FOXP1: variants seen among roughly 807,000 people sequenced by gnomAD.
The protein encoded by FOXP1 is forkhead box protein P1.
FOXP1 carries 15 observed loss-of-function variants against 98.2 expected under a neutral mutation model. That is an observed-to-expected ratio of 0.15 (90% CI 0.10 to 0.24). The LOEUF (loss-of-function observed/expected upper bound fraction) is 0.24. Ranked by LOEUF, FOXP1 falls within the 10% of genes least tolerant of loss-of-function variation. The probability of loss-of-function intolerance (pLI) is 1.00; values close to 1 mark genes in which losing one functional copy is unlikely to be tolerated. For missense variants in FOXP1, 633 were observed against 848.5 expected, an observed-to-expected ratio of 0.75 and a Z score of 3.15; for synonymous variants, 371 against 314.5, an observed-to-expected ratio of 1.18 and a Z score of -1.90.
At chr3:71,491,656 A>G (rs2091069857) in intron 3 of FOXP1, among the ~76,000 whole-genome samples, 1 of 152,210 alleles carries the variant, frequency 6.6e-6, no homozygotes, top group African/African-American at 2.4e-5. Flanking sequence ...ACCAAATGCA[A>G]AGTACAAGTT....
intron 2 of FOXP1, among the ~76,000 whole-genome samples, chr3:71,508,276 C>T (rs983200802): frequency 1.3e-5 from 2 of 152,196 alleles, no homozygotes; most frequent in African/African-American, 4.8e-5. Context: ...AGATTCTTTA[C>T]ATTTATCATA....
chr3:71,014,743 A>G (rs1279217279), intron 12 of FOXP1, among the ~76,000 whole-genome samples: 2 of 152,240 alleles, frequency 1.3e-5, no homozygotes, highest in Non-Finnish European at 2.9e-5. Flanking sequence ...AACCAACCCA[A>G]ATGTCCATCA....
chr3:71,580,884 C>T, intron 2 of FOXP1: 2 of 985,298 alleles, frequency 2.0e-6, no homozygotes, highest in Non-Finnish European at 2.4e-6. Flanking sequence ...AATGCTCCTC[C>T]GGCATTCCTG....
chr3:71,204,283 C>G (rs920706825), intron 5 of FOXP1, among the ~76,000 whole-genome samples: 1 of 152,226 alleles, frequency 6.6e-6, no homozygotes, highest in African/African-American at 2.4e-5. Flanking sequence ...AGCAAACGAA[C>G]TGGTTCCCTT....
At chr3:71,007,790 G>C (rs1209515562) in intron 12 of FOXP1, among the ~76,000 whole-genome samples, 1 of 152,096 alleles carries the variant, frequency 6.6e-6, no homozygotes, top group African/African-American at 2.4e-5. Context: ...AAAATTCACA[G>C]AAAAAAATTT....
At chr3:71,086,341 A>AG (rs1214735793) in intron 7 of FOXP1, among the ~76,000 whole-genome samples, 1 of 152,200 alleles carries the variant, frequency 6.6e-6, no homozygotes, top group African/African-American at 2.4e-5. Context: ...TTACTTATCT[A>AG]GGACTGCTAG....
chr3:71,019,350 AG>A (rs1304420982), intron 11 of FOXP1, among the ~76,000 whole-genome samples: 1 of 152,232 alleles, frequency 6.6e-6, no homozygotes, highest in East Asian at 1.9e-4. Context: ...AAAAGCTGTC[AG>A]GGTCAGTGAT....
At chr3:71,311,310 G>A (rs1223709195) in intron 4 of FOXP1, among the ~76,000 whole-genome samples, 2 of 152,226 alleles carry the variant, frequency 1.3e-5, no homozygotes, top group East Asian at 1.9e-4. Flanking sequence ...GGCTGGTGTC[G>A]AATTCCTGGG....
chr3:71,526,125 T>C (rs2043357894), intron 2 of FOXP1, among the ~76,000 whole-genome samples: 1 of 94,764 alleles, frequency 1.1e-5, no homozygotes, highest in East Asian at 1.9e-4. Flanking sequence ...TGTCTCTAAA[T>C]ATATAAATAA....
chr3:71,313,618 C>T (rs2074862388), intron 4 of FOXP1, among the ~76,000 whole-genome samples: 1 of 151,962 alleles, frequency 6.6e-6, no homozygotes, highest in African/African-American at 2.4e-5. Context: ...CTCCGCCTCC[C>T]GGGTTCCCGC....
chr3:71,442,093 A>T (rs2085992435), intron 3 of FOXP1, among the ~76,000 whole-genome samples: 1 of 152,190 alleles, frequency 6.6e-6, no homozygotes, highest in African/African-American at 2.4e-5. Flanking sequence ...GAGCTGAACC[A>T]TCTAGGGAAC....
intron 6 of FOXP1, among the ~76,000 whole-genome samples, chr3:71,153,915 C>T (rs2060696541): frequency 6.6e-6 from 1 of 152,008 alleles, no homozygotes; most frequent in Admixed American, 6.6e-5. Context: ...TTATTGGGCC[C>T]CTACTATACA....
chr3:71,144,083 C>T (rs1016479531), intron 6 of FOXP1, among the ~76,000 whole-genome samples: 2 of 152,122 alleles, frequency 1.3e-5, no homozygotes, highest in African/African-American at 4.8e-5. Flanking sequence ...CTTTGGCTTA[C>T]TGCTTTTTAA....
At chr3:71,204,286 G>T (rs906736219) in intron 5 of FOXP1, among the ~76,000 whole-genome samples, 3 of 152,182 alleles carry the variant, frequency 2.0e-5, no homozygotes, top group African/African-American at 7.2e-5. Context: ...AAACGAACTG[G>T]TTCCCTTTTA....
chr3:71,376,460 G>A lies in FOXP1; in HGVS notation c.-167-17216C>T, dbSNP rs919420165. ...TTAAAATTACCAGTGATATTGGCTA[G>A]TACATTCAAAAGCAATGGTAGTATA... On this transcript the variant is annotated intron_variant, in intron 3 of 20. Transcript: ENST00000649528. Among the ~76,000 whole-genome samples, 26 of 152,300 alleles carry A rather than the reference G, an allele frequency of 1.7e-4. No homozygotes were observed. In the East Asian group the frequency reaches 3.1e-3, roughly 18 times the overall value.
intron 13 of FOXP1, among the ~76,000 whole-genome samples, chr3:70,990,194 G>C (rs1454383564): frequency 6.6e-6 from 1 of 152,112 alleles, no homozygotes; most frequent in Non-Finnish European, 1.5e-5. Flanking sequence ...GTTTTGTTTG[G>C]TTAGTGAAAA....
intron 11 of FOXP1, among the ~76,000 whole-genome samples, chr3:71,034,171 G>A (rs1160217295): frequency 2.0e-5 from 3 of 152,120 alleles, no homozygotes; most frequent in Non-Finnish European, 4.4e-5. Context: ...ACTGGCAACG[G>A]GGATTTTCCT....
At chr3:71,439,127 A>C (rs2085661239) in intron 3 of FOXP1, among the ~76,000 whole-genome samples, 1 of 152,258 alleles carries the variant, frequency 6.6e-6, no homozygotes, top group Admixed American at 6.5e-5. Flanking sequence ...TGAGGGTGCC[A>C]GGCCTTGCCA....
rs2032572226 is a variant in FOXP1, at chr3:70,959,186, A to C, written c.*61T>G. ...AGAACAATTTCACTGCTAACTTTTGACGTGTTTTTTTTTTTTTCCTTTTTC... is the reference window on the plus strand; with the variant it reads ...AGAACAATTTCACTGCTAACTTTTGCCGTGTTTTTTTTTTTTTCCTTTTTC... On this transcript the variant is annotated 3_prime_UTR_variant, in exon 21 of 21. Transcript: ENST00000649528. 2 of 1,503,640 alleles carry C rather than the reference A, an allele frequency of 1.3e-6. No homozygotes were observed. The highest frequency in any genetic ancestry group is 3.4e-5 in the Admixed American group (2 of 59,194). The allele number at this position is 1,503,640 out of a possible 1,614,324, so 93.1% of individuals were successfully genotyped here.
Sources: allele counts gnomAD v4.1 joint callset (sites outside exome capture counted in the v4.1 genomes callset), GRCh38; gene constraint gnomAD v4.1.1; transcripts MANE v1.5; gene names NCBI Gene and HGNC (gene_info 2026-07-23, HGNC 2026-07-21).